Variants in IPO4 observed in about 807,000 individuals in gnomAD.
IPO4 encodes the protein importin-4.
A neutral mutation model predicts 133.5 loss-of-function variants in IPO4; 91 were observed. The observed-to-expected ratio is 0.68, with a 90% confidence interval of 0.58 to 0.81. The LOEUF (loss-of-function observed/expected upper bound fraction) is 0.81. Among genes scored for constraint, IPO4 ranks in the 30% least tolerant of loss-of-function variants. The pLI is 0.00. For synonymous variants in IPO4, 607 were observed against 581.6 expected, an observed-to-expected ratio of 1.04 and a Z score of -0.63; for missense variants, 1,279 against 1,386.2, an observed-to-expected ratio of 0.92 and a Z score of 1.23.
At chr14:24,186,067 G>A in intron 11 of IPO4, 62 bp downstream of exon 11, 1 of 1,600,222 alleles carries the variant, frequency 6.2e-7, no homozygotes, top group African/African-American at 1.3e-5. Context: ...AAACGTCGTT[G>A]GCCTCAGGGG....
At chr14:24,183,729 C>A in intron 19 of IPO4, 54 bp downstream of exon 19, 3 of 1,614,170 alleles carry the variant, frequency 1.9e-6, no homozygotes, top group Non-Finnish European at 2.5e-6. Context: ...CAGCACTAGG[C>A]CCTTGTCTAA....
chr14:24,183,212 T>C (rs1397923612), intron 22 of IPO4, 38 bp downstream of exon 22: 1 of 1,611,372 alleles, frequency 6.2e-7, no homozygotes. Flanking sequence ...GCCCTGCCCC[T>C]CCCCAAGAAC....
chr14:24,188,777 G>A lies in IPO4; in HGVS notation c.11C>T (p.Ala4Val), dbSNP rs760455498. Residue 4 changes from alanine (A) to valine (V), a missense_variant, in exon 1 of 30, where the codon GCC becomes GTC. Transcript: ENST00000354464. ...CTCCCGTAGGAGCTGCTCTAGCCCG[G>A]CTGACTCCATGGCAGCAACTGAGCC... The part of the protein sequence containing the change: MES[A>V]GLEQLLRELL... 2 of 1,511,020 alleles carry A rather than the reference G, an allele frequency of 1.3e-6. No homozygotes were observed. Among genetic ancestry groups the A allele is most frequent in the Admixed American group, 2.3e-5 (1 of 44,240 alleles). 93.6% of individuals were successfully genotyped at this position (1,511,020 alleles called of 1,614,324 possible).
rs1039465320 is a variant in IPO4, at chr14:24,186,255, A to C, written c.1005+32T>G. 3.1e-6 allele frequency: 5 copies of C among 1,601,052 alleles called. No individual in the cohort carries two copies. In the African/African-American group the frequency reaches 4.0e-5, roughly 13 times the overall value. ...CCCCAACGTCCCACAGCCACCTAAC[A>C]CCTTCCCCCTCTGTCCTGCCCCACA... On this transcript the variant is annotated intron_variant, in intron 10 of 29. Coordinates refer to ENST00000354464, the MANE Select transcript of IPO4 (RefSeq NM_024658.4).
chr14:24,181,558 G>T lies in IPO4; in HGVS notation c.3000C>A (p.Thr1000=), dbSNP rs778034805. 1.2e-6 allele frequency: 2 copies of T among 1,603,574 alleles called. No homozygotes were observed. Among genetic ancestry groups the T allele is most frequent in the South Asian group, 2.2e-5 (2 of 89,562 alleles). ...ACAGGAAGCTGAAGAGGCGCCCAAT[G>T]GTGACCCACTCCTCCAAGTCCTCCT... The part of the protein sequence containing the change: ...PLKEDLEEWV[T]IGRLFSFLYQ... Residue 1000 remains threonine, a synonymous_variant, in exon 28 of 30, where the codon ACC becomes ACA. Transcript: ENST00000354464.
rs1414507758 is a variant in IPO4 at position 24,182,806 on chromosome 14, C to T, written c.2458G>A (p.Glu820Lys). 1.2e-6 allele frequency: 2 copies of T among 1,614,088 alleles called. No individual in the cohort carries two copies. Among genetic ancestry groups the T allele is most frequent in the African/African-American group, 1.3e-5 (1 of 74,930 alleles). ...CQDTDEEEEE[E>K]DDDQAEYDAM... The stretch of plus-strand genomic sequence containing the variant: ...CTGGCTCTCACCTGATCATCATCTT[C>T]CTCTTCCTCCTCCTCGTCAGTATCC... Residue 820 changes from glutamate to lysine, a missense_variant, in exon 24 of 30, where the codon GAA becomes AAA. Coordinates refer to ENST00000354464, the MANE Select transcript of IPO4 (RefSeq NM_024658.4).
intron 28 of IPO4, among the ~76,000 whole-genome samples, chr14:24,181,218 A>C (rs576818693): frequency 2.8e-4 from 42 of 152,326 alleles, no homozygotes; most frequent in Non-Finnish European, 5.6e-4. Context: ...CGGTTTAGGA[A>C]ACCAGCCTAG....
At position 24,181,712 on chromosome 14, in the gene IPO4, T is replaced by A; in HGVS notation, c.2939A>T (p.Gln980Leu). ...MASPTRKPEPQVLAALLHALP... is the reference protein window; with the variant it reads ...MASPTRKPEPLVLAALLHALP... Reference sequence around the variant, plus strand: ...CTGCCTGATGTCTCCCTCCCTCACCTGGGGCTCTGGTTTCCTGGTGGGACT... The same window carrying A: ...CTGCCTGATGTCTCCCTCCCTCACCAGGGGCTCTGGTTTCCTGGTGGGACT... The change falls in exon 27 of 30, where the codon CAG becomes CTG. Residue 980 changes from glutamine (Q) to leucine (L), a missense_variant and splice_region_variant. Physicochemically the swap from Gln to Leu is moderately radical, Grantham distance 113. Coordinates refer to ENST00000354464, the MANE Select transcript of IPO4 (RefSeq NM_024658.4). 6.2e-7 allele frequency: 1 copy of A among 1,603,584 alleles called. No individual in the cohort carries two copies. Among genetic ancestry groups the A allele is most frequent in the African/African-American group, 1.3e-5 (1 of 74,954 alleles).
chr14:24,183,683 G>A lies in IPO4; in HGVS notation c.1986-16C>T, dbSNP rs756127636. ...CACGCTGTACCTAGAGTAAGAAGGG[G>A]AGGCAGTGGTGATCAGGCACCAAGA... On this transcript the variant is annotated splice_polypyrimidine_tract_variant and intron_variant, in intron 19 of 29. Transcript: ENST00000354464. The A allele has an allele frequency of 1.9e-6, 3 of 1,614,138 alleles. No individual in the cohort carries two copies. Among genetic ancestry groups the A allele is most frequent in the South Asian group, 2.2e-5 (2 of 91,084 alleles).
chr14:24,186,234 A>G (rs779567218), intron 10 of IPO4, 52 bp from the exon 11 acceptor site: 7 of 1,608,142 alleles, frequency 4.4e-6, no homozygotes, highest in Non-Finnish European at 6.0e-6. Context: ...CTGCCTCCCC[A>G]ACGTCCCACA....
At chr14:24,185,047 G>A (rs2039199418) in intron 14 of IPO4, 67 bp from the exon 15 acceptor site, 26 of 1,589,910 alleles carry the variant, frequency 1.6e-5, no homozygotes, top group South Asian at 2.2e-5. Flanking sequence ...CCTCCCTCCA[G>A]GCGGAAACCT....
rs1204796752 is a variant in IPO4 at position 24,186,471 on chromosome 14, C to A, written c.841-20G>T. 3 of 1,555,782 alleles carry A rather than the reference C, an allele frequency of 1.9e-6. No homozygotes were observed. Among genetic ancestry groups the A allele is most frequent in the Non-Finnish European group, 8.7e-7 (1 of 1,148,576 alleles). ...TAAGGCCTTGACAGAGAAGGTGGAA[C>A]AGTGTCCCTAAGAATCTGCTCCCAG... On this transcript the variant is annotated intron_variant, in intron 9 of 29. Coordinates refer to ENST00000354464, the MANE Select transcript of IPO4 (RefSeq NM_024658.4).
Position 24,188,236 on chromosome 14 carries a change from C to A in IPO4, c.258G>T (p.Thr86=), listed in dbSNP as rs746552378. 2 of 1,613,446 alleles carry A rather than the reference C, an allele frequency of 1.2e-6. No individual in the cohort carries two copies. The highest frequency in any genetic ancestry group is 1.7e-6 in the Non-Finnish European group (2 of 1,179,766). ...QRESLKSLIL[T]ALQRETEHCV... ...CTTACTCTGTTTCTCTCTGCAGGGC[C>A]GTCAGGATCAGGGACTTGAGGCTGG... The change falls in exon 4 of 30, where the codon ACG becomes ACT. Residue 86 remains threonine, a synonymous_variant. Transcript: ENST00000354464.
At chr14:24,186,669 T>C in intron 9 of IPO4, 39 bp downstream of exon 9, 1 of 1,551,970 alleles carries the variant, frequency 6.4e-7, no homozygotes, top group Non-Finnish European at 8.9e-7. Flanking sequence ...AGGGTGGAGA[T>C]GGGGGTGGGG....
chr14:24,186,209 T>G, intron 10 of IPO4, 27 bp from the exon 11 acceptor site: 2 of 1,612,642 alleles, frequency 1.2e-6, no homozygotes, highest in Non-Finnish European at 1.7e-6. Flanking sequence ...AGACTTACTT[T>G]GCTTGACTCC....
chr14:24,187,679 G>C lies in IPO4; in HGVS notation c.396C>G (p.Ser132Arg), dbSNP rs1257759050. Residue 132 changes from serine (S) to arginine (R), a missense_variant, in exon 5 of 30, where the codon AGC (serine) becomes AGG (arginine). By Grantham distance (110) the Ser-to-Arg change is moderately radical. This residue lies in a region of IPO4 where 695 missense variants were observed against 704.1 expected (regional missense o/e 0.99). Coordinates refer to ENST00000354464, the MANE Select transcript of IPO4 (RefSeq NM_024658.4). ...CATGTGATGGTACCTCTCTCTCTGG[G>C]CTGTGGGGGCTGTGGGTACTGTGCT... ...LLQHSTHSPH[S>R]PEREMGLLLL... 6.2e-7 allele frequency: 1 copy of C among 1,614,064 alleles called. No homozygotes were observed. The highest frequency in any genetic ancestry group is 8.5e-7 in the Non-Finnish European group (1 of 1,180,022).
In IPO4 at chr14:24,183,437, C is replaced by T. The variant is rs762664167; in HGVS notation, c.2121+19G>A. 3.1e-6 allele frequency: 5 copies of T among 1,603,592 alleles called. No individual in the cohort carries two copies. The South Asian group carries it at 4.5e-5, about 14-fold the overall frequency. ...CCCAGCCTGAGAACCCCACCCACTC[C>T]ACCCGCCGGCCCGCTCACCTCCAGC... is the stretch of plus-strand genomic sequence containing the variant. On this transcript the variant is annotated intron_variant, in intron 21 of 29. Transcript: ENST00000354464.
Position 24,186,971 on chromosome 14 carries a change from G to A in IPO4, c.663C>T (p.Ala221=). 6.2e-7 allele frequency: 1 copy of A among 1,614,090 alleles called. No homozygotes were observed. The highest frequency in any genetic ancestry group is 8.5e-7 in the Non-Finnish European group (1 of 1,179,956). ...QTLIPIDEAK[A]CEALEALDEL... Reference sequence around the variant, plus strand: ...CATCCAAAGCCTCAAGGGCCTCACAGGCCTTTGCCTGACAGACAAACAAGG... The same window carrying A: ...CATCCAAAGCCTCAAGGGCCTCACAAGCCTTTGCCTGACAGACAAACAAGG... Residue 221 remains alanine, a synonymous_variant, in exon 8 of 30, where the codon GCC becomes GCT. Coordinates refer to ENST00000354464, the MANE Select transcript of IPO4 (RefSeq NM_024658.4).
intron 28 of IPO4, 37 bp from the exon 29 acceptor site, chr14:24,180,795 C>A: frequency 6.3e-7 from 1 of 1,598,364 alleles, no homozygotes; most frequent in Non-Finnish European, 8.5e-7. Flanking sequence ...GGCAGCAGCC[C>A]CAGACCCCAG....
Sources: allele counts gnomAD v4.1 joint callset (sites outside exome capture counted in the v4.1 genomes callset), GRCh38; gene constraint gnomAD v4.1.1; regional missense constraint gnomAD v4.1.1; transcripts MANE v1.5; gene names NCBI Gene and HGNC (gene_info 2026-07-23, HGNC 2026-07-21).